The following SLC7A8 variants were observed in gnomAD, a reference collection of about 807,000 sequenced individuals.
The protein encoded by SLC7A8 is solute carrier family 7 member 8, also known as large neutral amino acids transporter small subunit 2.
SLC7A8 carries 30 observed loss-of-function variants against 51.2 expected under a neutral mutation model. The observed-to-expected ratio is 0.59, with a 90% CI of 0.44 to 0.80. The LOEUF is 0.80. SLC7A8 is among the 30% of genes least tolerant of loss of function. The pLI is 0.00. For missense variants in SLC7A8, 612 were observed against 674.4 expected, an observed-to-expected ratio of 0.91 and a Z score of 1.03; for synonymous variants, 257 against 275.8, an observed-to-expected ratio of 0.93 and a Z score of 0.67.
At chr14:23,161,431 C>G (rs1444501431) in intron 3 of SLC7A8, among the ~76,000 whole-genome samples, 2 of 151,962 alleles carry the variant, frequency 1.3e-5, no homozygotes, top group Non-Finnish European at 2.9e-5. Flanking sequence ...ATCAGCATGT[C>G]GCCACAGGAC....
intron 1 of SLC7A8, among the ~76,000 whole-genome samples, chr14:23,167,825 C>A (rs927565166): frequency 6.6e-6 from 1 of 152,056 alleles, no homozygotes; most frequent in African/African-American, 2.4e-5. Context: ...ACATCTCAAG[C>A]CTCCGTGATC....
At position 23,183,224 on chromosome 14, in the gene SLC7A8, G is replaced by A. The variant is rs2140345941; in HGVS notation, c.-310C>T. 3.3e-6 allele frequency: 1 copy of A among 303,926 alleles called. No individual in the cohort carries two copies. 18.8% of individuals were successfully genotyped at this position (303,926 alleles called of 1,614,324 possible). A position where few individuals can be genotyped will look rare whatever the true frequency, so the allele number is the denominator to read the frequency against. On this transcript the variant is annotated 5_prime_UTR_variant, in exon 1 of 11. Transcript: ENST00000316902. ...TGCCAGCGACTCCGGCTGGAATTCT[G>A]CTGAAAGGGATGTGTCTTCAGAAAC... is the stretch of plus-strand genomic sequence containing the variant.
intron 3 of SLC7A8, among the ~76,000 whole-genome samples, chr14:23,162,818 G>T (rs543369434): frequency 1.8e-4 from 28 of 152,192 alleles, no homozygotes; most frequent in Non-Finnish European, 3.1e-4. Flanking sequence ...GGGTCTGGCT[G>T]CCTGGGAACT....
At chr14:23,144,642 GA>G (rs1205003623) in intron 3 of SLC7A8, among the ~76,000 whole-genome samples, 1 of 152,144 alleles carries the variant, frequency 6.6e-6, no homozygotes, top group Non-Finnish European at 1.5e-5. Flanking sequence ...TTGATGCTGA[GA>G]ACATTTGGTT....
chr14:23,125,576 A>G lies in SLC7A8; in HGVS notation c.*1601T>C, dbSNP rs897625605. 14 of 152,568 alleles carry G rather than the reference A, an allele frequency of 9.2e-5. No homozygotes were observed. Among genetic ancestry groups the G allele is most frequent in the African/African-American group, 3.1e-4 (13 of 41,442 alleles). The allele number at this position is 152,568 out of a possible 1,614,324, so 9.5% of individuals were successfully genotyped here. A position where few individuals can be genotyped will look rare whatever the true frequency, so the allele number is the denominator to read the frequency against. On this transcript the variant is annotated 3_prime_UTR_variant, in exon 11 of 11. Coordinates refer to ENST00000316902, the MANE Select transcript of SLC7A8 (RefSeq NM_012244.4). ...TAAGAAGATGGTCCCCTGACCCTCC[A>G]GGGGCCAACCCCAGCCTGCCGGGCA...
intron 1 of SLC7A8, among the ~76,000 whole-genome samples, chr14:23,179,310 G>T (rs1389669691): frequency 6.6e-6 from 1 of 152,070 alleles, no homozygotes; most frequent in African/African-American, 2.4e-5. Flanking sequence ...CAGGATATAA[G>T]GAACTCTCTG....
intron 3 of SLC7A8, among the ~76,000 whole-genome samples, chr14:23,162,624 T>C (rs2048929787): frequency 1.3e-5 from 2 of 152,214 alleles, no homozygotes; most frequent in South Asian, 2.1e-4. Flanking sequence ...AGGGGAAGGC[T>C]GTGGAGAGGA....
chr14:23,159,106 GT>G (rs1181072324), intron 3 of SLC7A8, among the ~76,000 whole-genome samples: 1 of 152,080 alleles, frequency 6.6e-6, no homozygotes, highest in Non-Finnish European at 1.5e-5. Flanking sequence ...GTAATGATGT[GT>G]TTTTGCATAC....
chr14:23,139,338 T>C, intron 6 of SLC7A8, 86 bp downstream of exon 6: 1 of 1,591,870 alleles, frequency 6.3e-7, no homozygotes, highest in South Asian at 1.1e-5. Context: ...CACAAGGCCA[T>C]GGATCAGGGA....
At position 23,126,275 on chromosome 14, in the gene SLC7A8, G is replaced by C. The variant is rs567683921; in HGVS notation, c.*902C>G. ...CCAAGCCAAGGCCCAGAGAGGAGAA[G>C]TGCACGGTGGGGGCGGTGGTGCTGG... On this transcript the variant is annotated 3_prime_UTR_variant, in exon 11 of 11. Coordinates refer to ENST00000316902, the MANE Select transcript of SLC7A8 (RefSeq NM_012244.4). 298 of 153,954 alleles carry C rather than the reference G, an allele frequency of 1.9e-3. 1 individual carries two copies. Among genetic ancestry groups the C allele is most frequent in the Non-Finnish European group, 3.0e-3 (209 of 68,568 alleles). The allele number at this position is 153,954 out of a possible 1,614,324, so 9.5% of individuals were successfully genotyped here. A position where few individuals can be genotyped will look rare whatever the true frequency, so the allele number is the denominator to read the frequency against.
At chr14:23,136,809 G>T (rs1362337230) in intron 7 of SLC7A8, among the ~76,000 whole-genome samples, 1 of 152,220 alleles carries the variant, frequency 6.6e-6, no homozygotes, top group Non-Finnish European at 1.5e-5. Flanking sequence ...AGCCTCACGG[G>T]TCACTGTTCC....
At chr14:23,137,339 A>C (rs1434819444) in intron 7 of SLC7A8, among the ~76,000 whole-genome samples, 2 of 151,738 alleles carry the variant, frequency 1.3e-5, no homozygotes, top group Non-Finnish European at 2.9e-5. Flanking sequence ...CACATTCTCC[A>C]CCTGAGTCTC....
In SLC7A8 at chr14:23,125,821, G is replaced by A. The variant is rs1162483733; in HGVS notation, c.*1356C>T. ...AGCAGGAGTGGCTGGGAAGGTTGCA[G>A]GGCCCACAGCAAACTCCATAGCCTT... is the stretch of plus-strand genomic sequence containing the variant. On this transcript the variant is annotated 3_prime_UTR_variant, in exon 11 of 11. Coordinates refer to ENST00000316902, the MANE Select transcript of SLC7A8 (RefSeq NM_012244.4). 1 of 152,688 alleles carries A rather than the reference G, an allele frequency of 6.5e-6. No homozygotes were observed. The highest frequency in any genetic ancestry group is 2.4e-5 in the African/African-American group (1 of 41,454). The allele number at this position is 152,688 out of a possible 1,614,324, so 9.5% of individuals were successfully genotyped here.
At chr14:23,168,344 G>A (rs1224762064) in intron 1 of SLC7A8, among the ~76,000 whole-genome samples, 1 of 152,190 alleles carries the variant, frequency 6.6e-6, no homozygotes, top group Non-Finnish European at 1.5e-5. Context: ...CTTTGGACAC[G>A]TTCCCCCTTC....
chr14:23,155,101 A>G, intron 3 of SLC7A8: 1 of 1,459,836 alleles, frequency 6.9e-7, no homozygotes. Flanking sequence ...TTTGAAACAG[A>G]TCTTGCCTAT....
At chr14:23,149,075 G>T (rs1334542469) in intron 3 of SLC7A8, among the ~76,000 whole-genome samples, 2 of 152,196 alleles carry the variant, frequency 1.3e-5, no homozygotes, top group African/African-American at 4.8e-5. Flanking sequence ...GCGCTCTCTA[G>T]AAGAGGGTAG....
At position 23,134,114 on chromosome 14, in the gene SLC7A8, A is replaced by G. The variant is rs1594818680; in HGVS notation, c.1017-2557T>C. Among the ~76,000 whole-genome samples, 4 of 151,800 alleles carry G rather than the reference A, an allele frequency of 2.6e-5. 1 individual carries two copies. In the South Asian group the frequency reaches 8.4e-4, roughly 32 times the overall value. ...CACCACCACACCCAAATGCCAATTA[A>G]TTTTAAGATTATTTATGGGCCTATT... On this transcript the variant is annotated intron_variant, in intron 7 of 10. Transcript: ENST00000316902.
chr14:23,133,697 C>T (rs764236354), intron 7 of SLC7A8, among the ~76,000 whole-genome samples: 1 of 151,846 alleles, frequency 6.6e-6, no homozygotes, highest in Non-Finnish European at 1.5e-5. Flanking sequence ...TGTGGTGGCA[C>T]GTGCCTATAA....
At chr14:23,141,509 G>T (rs1200805886) in intron 4 of SLC7A8, among the ~76,000 whole-genome samples, 1 of 152,170 alleles carries the variant, frequency 6.6e-6, no homozygotes, top group African/African-American at 2.4e-5. Flanking sequence ...GAGTGCAGTG[G>T]CGCGATCTCA....
Sources: gnomAD v4.1 joint callset for allele counts (sites outside exome capture counted in the v4.1 genomes callset) on GRCh38, gnomAD v4.1.1 for gene constraint, MANE v1.5 for transcripts, NCBI Gene and HGNC (gene_info 2026-07-23, HGNC 2026-07-21) for gene names.